Variants in UBN1 observed in about 807,000 individuals in gnomAD.
The protein encoded by UBN1 is ubinuclein 1.
Under a neutral mutation model 108.5 loss-of-function variants are expected in UBN1, and 17 were observed. The ratio of observed to expected loss-of-function variants is 0.16; its 90% CI spans 0.11 to 0.24. The LOEUF is 0.24. UBN1 is among the 10% of genes least tolerant of loss of function. The pLI, the probability that UBN1 is intolerant of heterozygous loss-of-function variation, is 1.00. For missense variants in UBN1, 1,595 were observed against 1,394.4 expected, an observed-to-expected ratio of 1.14 and a Z score of -2.29; for synonymous variants, 726 against 564.2, an observed-to-expected ratio of 1.29 and a Z score of -4.07.
chr16:4,877,129 G>A lies in UBN1; in HGVS notation c.3265+18G>A. 6.3e-7 allele frequency: 1 copy of A among 1,592,822 alleles called. No homozygotes were observed. ...TGGCCACAGTAAGTGCTTCTTTGCT[G>A]CCTCTGGTCACTCAGGAACCTCTAG... On this transcript the variant is annotated intron_variant, in intron 16 of 17. Coordinates refer to ENST00000262376, the MANE Select transcript of UBN1 (RefSeq NM_001079514.3). This position sits in a 1 kb window ranked among gnomAD's most constrained non-coding sequence, Gnocchi z 4.3.
In UBN1 at chr16:4,877,401, G is replaced by A. The variant is rs367848284; in HGVS notation, c.3282G>A (p.Leu1094=). The A allele has an allele frequency of 1.1e-4, 184 of 1,611,522 alleles. No homozygotes were observed. In the East Asian group the frequency reaches 1.5e-3, roughly 13 times the overall value. Residue 1094 remains leucine (L), a synonymous_variant, in exon 17 of 18, where the codon TTG becomes TTA. Coordinates refer to ENST00000262376, the MANE Select transcript of UBN1 (RefSeq NM_001079514.3). This position sits in a 1 kb window ranked among gnomAD's most constrained non-coding sequence, Gnocchi z 4.3. ...TTCTCTCAGGTCTTCTGGCTGGCTT[G>A]CACTCCAGCCCGCCCCATGCAGCGC... The part of the protein sequence containing the change: ...HGLGHSLLAG[L]HSSPPHAAPL...
At position 4,872,941 on chromosome 16, in the gene UBN1, G is replaced by T; in HGVS notation, c.1757+7G>T. 1 of 1,614,242 alleles carries T rather than the reference G, an allele frequency of 6.2e-7. No homozygotes were observed. The highest frequency in any genetic ancestry group is 8.5e-7 in the Non-Finnish European group (1 of 1,180,042). The stretch of plus-strand genomic sequence containing the variant: ...GGCACCTGACTTCAATCCTGTGAGT[G>T]TCTTGGTATTTTCACATCTCGGGAC... On this transcript the variant is annotated splice_region_variant and intron_variant, in intron 13 of 17. Transcript: ENST00000262376.
At chr16:4,866,009 G>T (rs1026642703) in intron 7 of UBN1, among the ~76,000 whole-genome samples, 2 of 152,040 alleles carry the variant, frequency 1.3e-5, no homozygotes, top group African/African-American at 4.8e-5. Flanking sequence ...GATAAAATTT[G>T]ATTGGAAGTT....
rs753960379 is a variant in UBN1 at position 4,880,181 on chromosome 16, G to A, written c.*49G>A. On this transcript the variant is annotated 3_prime_UTR_variant, in exon 18 of 18. Transcript: ENST00000262376. ...ACTTGGGTCTGGGTGGAATCAGAAC[G>A]TGCAGGTCTCCCAGGATGTACACTC... The A allele has an allele frequency of 3.8e-6, 6 of 1,593,268 alleles. No individual in the cohort carries two copies. The highest frequency in any genetic ancestry group is 2.7e-5 in the African/African-American group (2 of 74,516).
chr16:4,877,291 G>C lies in UBN1; in HGVS notation c.3266-94G>C, dbSNP rs1019756657. 2 of 1,535,922 alleles carry C rather than the reference G, an allele frequency of 1.3e-6. No homozygotes were observed. The highest frequency in any genetic ancestry group is 1.8e-6 in the Non-Finnish European group (2 of 1,137,026). The stretch of plus-strand genomic sequence containing the variant: ...GTGTGGTGCCCAGACTGGCCTGGCA[G>C]GTTATCGGGGGCTTTTGGCTGCTGG... On this transcript the variant is annotated intron_variant, in intron 16 of 17. Transcript: ENST00000262376. This position sits in a 1 kb window ranked among gnomAD's most constrained non-coding sequence, Gnocchi z 4.3.
At chr16:4,871,901 A>G (rs2087661244) in intron 12 of UBN1, among the ~76,000 whole-genome samples, 1 of 152,088 alleles carries the variant, frequency 6.6e-6, no homozygotes, top group African/African-American at 2.4e-5. Flanking sequence ...TCCTGTTTTA[A>G]CATACAGGCT....
rs1276148158 is a variant in UBN1 at position 4,870,934 on chromosome 16, G to A, written c.1521G>A (p.Met507Ile). The A allele has an allele frequency of 6.2e-7, 1 of 1,614,146 alleles. No homozygotes were observed. The highest frequency in any genetic ancestry group is 8.5e-7 in the Non-Finnish European group (1 of 1,180,044). The change falls in exon 11 of 18, where the codon ATG becomes ATA. Residue 507 changes from methionine to isoleucine, a missense_variant. Transcript: ENST00000262376. The part of the protein sequence containing the change: ...EDEEKGGRRI[M>I]GPRKKFQWND... ...AAGAAAAAGGGGGCAGGAGGATAAT[G>A]GGACCTCGGAAGAAGTTCCAATGGA... is the stretch of plus-strand genomic sequence containing the variant.
intron 4 of UBN1, 173 bp downstream of exon 4, chr16:4,858,836 C>G (rs1189536962): frequency 1.0e-6 from 1 of 956,534 alleles, no homozygotes. Context: ...TTAGTTCCCT[C>G]TTCAGAAAGT....
intron 3 of UBN1, among the ~76,000 whole-genome samples, 169 bp from the exon 4 acceptor site, chr16:4,858,399 T>C (rs2086905813): frequency 6.6e-6 from 1 of 152,232 alleles, no homozygotes; most frequent in Non-Finnish European, 1.5e-5. Context: ...ATATGTTCTA[T>C]GTTAAAAGGT....
intron 7 of UBN1, among the ~76,000 whole-genome samples, chr16:4,867,129 C>T (rs985654953): frequency 6.6e-6 from 1 of 152,094 alleles, no homozygotes; most frequent in Non-Finnish European, 1.5e-5. Context: ...GGGTTTGATA[C>T]CAGGCTTGGA....
rs148099182 is a variant in UBN1, at chr16:4,880,273, G to C, written c.*141G>C. ...TGAGTTCTCAGCGGAGCGCTTCTCG[G>C]CACTTCTGATGTGCCTCCCATGGAG... On this transcript the variant is annotated 3_prime_UTR_variant, in exon 18 of 18. Coordinates refer to ENST00000262376, the MANE Select transcript of UBN1 (RefSeq NM_001079514.3). 4.6e-5 allele frequency: 46 copies of C among 990,850 alleles called. No homozygotes were observed. The African/African-American group carries it at 6.6e-4, about 14-fold the overall frequency. 61.4% of individuals were successfully genotyped at this position (990,850 alleles called of 1,614,324 possible).
At chr16:4,863,587 C>T (rs1011553819) in intron 7 of UBN1, among the ~76,000 whole-genome samples, 6 of 152,094 alleles carry the variant, frequency 3.9e-5, no homozygotes, top group African/African-American at 1.2e-4. Context: ...TTACGTGTTT[C>T]TCACTTTATT....
intron 3 of UBN1, 120 bp downstream of exon 3, chr16:4,858,196 G>T: frequency 2.7e-6 from 2 of 746,086 alleles, no homozygotes; most frequent in Admixed American, 2.6e-5. Flanking sequence ...CTTAAGCATG[G>T]AGAGAAGAGA....
At chr16:4,867,073 G>A (rs1304713894) in intron 7 of UBN1, among the ~76,000 whole-genome samples, 1 of 152,214 alleles carries the variant, frequency 6.6e-6, no homozygotes, top group Non-Finnish European at 1.5e-5. Context: ...TTGGTGGATG[G>A]CTGGGCCAGA....
intron 15 of UBN1, 97 bp downstream of exon 15, chr16:4,875,531 C>T: frequency 1.3e-6 from 2 of 1,491,150 alleles, no homozygotes; most frequent in East Asian, 2.3e-5. Context: ...AGATCTAAAA[C>T]CACAGGTCAG....
At position 4,847,558 on chromosome 16, in the gene UBN1, C is replaced by G. The variant is rs994372835; in HGVS notation, c.-692C>G. ...GCGGCGGCGGCGGCGACGGTGCGAC[C>G]GGCTGAGCGCGAGAGGGAGCCGGCC... On this transcript the variant is annotated 5_prime_UTR_variant, in exon 1 of 18. Coordinates refer to ENST00000262376, the MANE Select transcript of UBN1 (RefSeq NM_001079514.3). 1.4e-5 allele frequency: 6 copies of G among 423,358 alleles called. No homozygotes were observed. The East Asian group carries it at 2.9e-4, about 20-fold the overall frequency. 26.2% of individuals were successfully genotyped at this position (423,358 alleles called of 1,614,324 possible).
At chr16:4,865,049 A>G (rs1392544837) in intron 7 of UBN1, among the ~76,000 whole-genome samples, 1 of 152,220 alleles carries the variant, frequency 6.6e-6, no homozygotes, top group Non-Finnish European at 1.5e-5. Flanking sequence ...ATAAATCAGC[A>G]TGATTGGGAT....
rs910560316 is a variant in UBN1, at chr16:4,880,585, C to T, written c.*453C>T. 1 of 171,900 alleles carries T rather than the reference C, an allele frequency of 5.8e-6. No individual in the cohort carries two copies. Among genetic ancestry groups the T allele is most frequent in the African/African-American group, 2.3e-5 (1 of 42,718 alleles). The allele number at this position is 171,900 out of a possible 1,614,324, so 10.6% of individuals were successfully genotyped here. A position where few individuals can be genotyped will look rare whatever the true frequency, so the allele number is the denominator to read the frequency against. ...TGGATGGTCACAGTGCCGCCCCATC[C>T]CCAGGCTGTGTGCTCAAAGCGGACA... On this transcript the variant is annotated 3_prime_UTR_variant, in exon 18 of 18. Transcript: ENST00000262376.
At chr16:4,860,150 T>G (rs577036222) in intron 6 of UBN1, among the ~76,000 whole-genome samples, 182 bp downstream of exon 6, 1 of 152,348 alleles carries the variant, frequency 6.6e-6, no homozygotes, top group African/African-American at 2.4e-5. Context: ...GTGTGTCAGA[T>G]AGTTCCACTG....
Sources: allele counts gnomAD v4.1 joint callset (sites outside exome capture counted in the v4.1 genomes callset), GRCh38; gene constraint gnomAD v4.1.1; non-coding constraint Gnocchi (gnomAD v3.1); transcripts MANE v1.5; gene names NCBI Gene and HGNC (gene_info 2026-07-23, HGNC 2026-07-21).